MALRD1: variants seen among roughly 807,000 people sequenced by gnomAD.
MALRD1 encodes MAM and LDL-receptor class A domain-containing protein 1.
MALRD1 carries 247 observed loss-of-function variants against 242.1 expected under a neutral mutation model. The observed-to-expected ratio is 1.02, with a 90% CI of 0.92 to 1.13. MALRD1 has a LOEUF of 1.13. Among genes scored for constraint, MALRD1 ranks in the 50% most tolerant of loss-of-function variants. MALRD1 has a pLI of 0.00. For missense variants in MALRD1, 2,989 were observed against 2,533.1 expected (o/e 1.18, Z -3.86); for synonymous variants, 995 against 866.6 (o/e 1.15, Z -2.60).
intron 28 of MALRD1, among the ~76,000 whole-genome samples, chr10:19,427,753 G>A (rs1246371149): frequency 6.6e-6 from 1 of 151,892 alleles, no homozygotes; most frequent in African/African-American, 2.4e-5. Flanking sequence ...TCTATTTTGG[G>A]GTTAATATTA....
chr10:19,642,077 C>A (rs973126844), intron 36 of MALRD1, among the ~76,000 whole-genome samples: 5 of 152,052 alleles, frequency 3.3e-5, no homozygotes, highest in Non-Finnish European at 5.9e-5. Flanking sequence ...AAACTCAACC[C>A]CAAACTAAAT....
chr10:19,452,403 C>G (rs906542188), intron 29 of MALRD1, among the ~76,000 whole-genome samples: 1 of 152,136 alleles, frequency 6.6e-6, no homozygotes, highest in Admixed American at 6.5e-5. Context: ...TAATATCTTA[C>G]GTTTAGTGAT....
At chr10:19,355,623 A>G (rs1252216880) in intron 26 of MALRD1, among the ~76,000 whole-genome samples, 1 of 150,980 alleles carries the variant, frequency 6.6e-6, no homozygotes, top group Non-Finnish European at 1.5e-5. Flanking sequence ...CAAGCAGATA[A>G]CAAATAAAAA....
intron 28 of MALRD1, among the ~76,000 whole-genome samples, chr10:19,415,270 T>C (rs936359085): frequency 1.3e-5 from 2 of 152,192 alleles, no homozygotes; most frequent in African/African-American, 4.8e-5. Flanking sequence ...TATTTGGGCG[T>C]TGACCATACC....
At chr10:19,376,706 A>G (rs961268146) in intron 26 of MALRD1, among the ~76,000 whole-genome samples, 1 of 151,670 alleles carries the variant, frequency 6.6e-6, no homozygotes, top group Non-Finnish European at 1.5e-5. Flanking sequence ...CAGGTGCCCA[A>G]CACCACACCT....
chr10:19,187,067 A>G (rs1209223841), intron 14 of MALRD1, among the ~76,000 whole-genome samples: 1 of 152,174 alleles, frequency 6.6e-6, no homozygotes, highest in African/African-American at 2.4e-5. Context: ...AGACCACATA[A>G]TAATTTAGTT....
intron 32 of MALRD1, among the ~76,000 whole-genome samples, chr10:19,537,641 G>C (rs1202643856): frequency 6.6e-6 from 1 of 152,060 alleles, no homozygotes; most frequent in Non-Finnish European, 1.5e-5. Context: ...TACTTATCAT[G>C]GGAAACTTAT....
At chr10:19,162,850 G>T (rs192132971) in intron 12 of MALRD1, among the ~76,000 whole-genome samples, 72 of 151,992 alleles carry the variant, frequency 4.7e-4, no homozygotes, top group South Asian at 8.3e-4. Flanking sequence ...TTCTACTATA[G>T]GTCAGGTGCA....
chr10:19,506,584 A>G (rs1016771431), intron 31 of MALRD1, among the ~76,000 whole-genome samples: 27 of 151,168 alleles, frequency 1.8e-4, no homozygotes, highest in African/African-American at 6.1e-4. Context: ...TATTGTTGAG[A>G]TATATATATA....
rs550207458 is a variant in MALRD1, at chr10:19,215,981, T to C, written c.2991+6301T>C. Reference sequence around the variant, plus strand: ...ATCCACAGGTAGAGTGCCTTACCTATTCTGACTTCAGTCAATTATTCAAGA... The same window carrying C: ...ATCCACAGGTAGAGTGCCTTACCTACTCTGACTTCAGTCAATTATTCAAGA... On this transcript the variant is annotated intron_variant, in intron 18 of 39. Transcript: ENST00000454679. Among the ~76,000 whole-genome samples the C allele has an allele frequency of 3.1e-3, 475 of 151,986 alleles. 3 individuals carry two copies. The highest frequency in any genetic ancestry group is 5.7e-3 in the Non-Finnish European group (388 of 67,982).
intron 19 of MALRD1, among the ~76,000 whole-genome samples, chr10:19,269,737 GA>G (rs773860034): frequency 2.6e-5 from 4 of 152,194 alleles, no homozygotes; most frequent in Admixed American, 1.3e-4. Flanking sequence ...TTCAATGCAA[GA>G]CATTGGACTT....
intron 2 of MALRD1, among the ~76,000 whole-genome samples, chr10:19,085,439 A>G (rs1415140783): frequency 1.3e-5 from 2 of 152,032 alleles, no homozygotes; most frequent in Non-Finnish European, 2.9e-5. Context: ...AATTAAACAT[A>G]GAAAACAGAT....
intron 21 of MALRD1, among the ~76,000 whole-genome samples, chr10:19,308,486 A>T (rs1040535839): frequency 6.6e-6 from 1 of 151,598 alleles, no homozygotes; most frequent in African/African-American, 2.4e-5. Flanking sequence ...GGACAGAGTG[A>T]GGAGGATAAA....
chr10:19,196,140 C>G (rs1836232824), intron 14 of MALRD1, among the ~76,000 whole-genome samples: 1 of 152,094 alleles, frequency 6.6e-6, no homozygotes, highest in African/African-American at 2.4e-5. Context: ...CAGCATTACT[C>G]CTGAAAGTTC....
intron 26 of MALRD1, among the ~76,000 whole-genome samples, chr10:19,368,736 C>T (rs900585319): frequency 6.6e-6 from 1 of 151,552 alleles, no homozygotes; most frequent in Non-Finnish European, 1.5e-5. Context: ...TAATTCTGCT[C>T]AGTGATCATG....
At chr10:19,180,210 C>T (rs1422034782) in intron 14 of MALRD1, among the ~76,000 whole-genome samples, 2 of 152,166 alleles carry the variant, frequency 1.3e-5, no homozygotes, top group African/African-American at 2.4e-5. Context: ...TGGAGAGACT[C>T]TTTCCTCTGC....
intron 38 of MALRD1, among the ~76,000 whole-genome samples, chr10:19,707,222 TCTC>T (rs1342966518): frequency 6.6e-6 from 1 of 151,292 alleles, no homozygotes; most frequent in Non-Finnish European, 1.5e-5. Context: ...TCCTTCTTCT[TCTC>T]CTTCTCCTCC....
chr10:19,235,225 C>G (rs1463440213), intron 18 of MALRD1, among the ~76,000 whole-genome samples: 1 of 152,058 alleles, frequency 6.6e-6, no homozygotes, highest in East Asian at 1.9e-4. Context: ...TGAAGTAGGG[C>G]TATAGCTAAA....
At chr10:19,319,700 G>C (rs575335236) in intron 21 of MALRD1, among the ~76,000 whole-genome samples, 2 of 151,912 alleles carry the variant, frequency 1.3e-5, no homozygotes, top group East Asian at 1.9e-4. Context: ...TTCCTCACGC[G>C]GTAGAAGGGA....
Sources: gnomAD v4.1 joint callset for allele counts (sites outside exome capture counted in the v4.1 genomes callset) on GRCh38, gnomAD v4.1.1 for gene constraint, MANE v1.5 for transcripts, NCBI Gene and HGNC (gene_info 2026-07-23, HGNC 2026-07-21) for gene names.